The following C9orf153 variants were observed in gnomAD, a reference collection of about 807,000 sequenced individuals.
The protein encoded by C9orf153 is uncharacterized protein C9orf153.
C9orf153 carries 10 observed loss-of-function variants against 9.0 expected under a neutral mutation model. The observed-to-expected ratio is 1.11, with a 90% CI of 0.69 to 1.89. The LOEUF (loss-of-function observed/expected upper bound fraction) is 1.89. Among genes scored for constraint, C9orf153 ranks in the 40% most tolerant of loss-of-function variants. C9orf153 has a pLI of 0.00. For synonymous variants in C9orf153, 35 were observed against 37.3 expected (o/e 0.94, Z 0.23); for missense variants, 108 against 111.0 (o/e 0.97, Z 0.12).
chr9:86,221,747 T>C lies in C9orf153; in HGVS notation c.243-14A>G, dbSNP rs1167404863. 6.6e-7 allele frequency: 1 copy of C among 1,509,198 alleles called. No homozygotes were observed. The highest frequency in any genetic ancestry group is 9.0e-7 in the Non-Finnish European group (1 of 1,109,528). 93.5% of individuals were successfully genotyped at this position (1,509,198 alleles called of 1,614,324 possible). On this transcript the variant is annotated splice_polypyrimidine_tract_variant and intron_variant, in intron 3 of 3. Transcript: ENST00000339137. ...TGAATTGTTTTCCTGAAAAGAATCA[T>C]ATTTTCAAAGAATCACATGGTGTTG...
At chr9:86,257,742 C>A (rs1380167887) in intron 1 of C9orf153, among the ~76,000 whole-genome samples, 1 of 152,130 alleles carries the variant, frequency 6.6e-6, no homozygotes, top group East Asian at 1.9e-4. Flanking sequence ...ATATAACAAC[C>A]AGAACTGAAA....
chr9:86,232,608 C>T (rs1824495993), intron 1 of C9orf153, among the ~76,000 whole-genome samples: 1 of 152,110 alleles, frequency 6.6e-6, no homozygotes, highest in South Asian at 2.1e-4. Context: ...TCCATTTGCA[C>T]TCACCCCCAA....
chr9:86,239,161 C>T (rs922198947), intron 1 of C9orf153, among the ~76,000 whole-genome samples: 3 of 151,222 alleles, frequency 2.0e-5, no homozygotes, highest in East Asian at 1.9e-4. Flanking sequence ...CTCAGGAGGC[C>T]GAGACAAAGG....
intron 1 of C9orf153, among the ~76,000 whole-genome samples, chr9:86,252,236 C>T (rs4877965): frequency 0.56 from 84,653 of 151,782 alleles, 26,195 homozygotes; most frequent in East Asian, 0.89. Context: ...GGTTTCACCA[C>T]GTTGGCCAGC....
chr9:86,249,302 G>A (rs1824939804), intron 1 of C9orf153, among the ~76,000 whole-genome samples: 2 of 152,138 alleles, frequency 1.3e-5, no homozygotes, highest in Non-Finnish European at 2.9e-5. Context: ...TTTAGAGCAG[G>A]AGTCTTCCTT....
At chr9:86,258,066 G>T (rs772777374) in intron 1 of C9orf153, among the ~76,000 whole-genome samples, 2 of 152,132 alleles carry the variant, frequency 1.3e-5, no homozygotes, top group African/African-American at 4.8e-5. Flanking sequence ...TTTGTAGGAC[G>T]GGTGCGGTGG....
intron 3 of C9orf153, among the ~76,000 whole-genome samples, chr9:86,224,650 T>C (rs1236520250): frequency 1.3e-5 from 2 of 151,620 alleles, no homozygotes; most frequent in African/African-American, 4.8e-5. Context: ...ACAATGACAA[T>C]GTGTTCATTA....
chr9:86,239,771 T>A (rs1182285239), intron 1 of C9orf153, among the ~76,000 whole-genome samples: 1 of 152,232 alleles, frequency 6.6e-6, no homozygotes, highest in Non-Finnish European at 1.5e-5. Context: ...TTATCTTAGG[T>A]AAATTATACC....
rs1825022565 is a variant in C9orf153, at chr9:86,252,643, T to C, written c.-27+6907A>G. On this transcript the variant is annotated intron_variant, in intron 1 of 3. Transcript: ENST00000339137. ...TGTTAAAATCATTCAGGAAGCATTA[T>C]CAAATAAGAAATGGTGTTTAACATT... 2.0e-5 allele frequency among the ~76,000 whole-genome samples: 3 copies of C among 152,348 alleles called. No homozygotes were observed. The South Asian group carries it at 6.2e-4, about 32-fold the overall frequency.
At chr9:86,229,190 C>T (rs1824406536) in intron 2 of C9orf153, among the ~76,000 whole-genome samples, 1 of 151,156 alleles carries the variant, frequency 6.6e-6, no homozygotes. Flanking sequence ...GATGTTTGGA[C>T]CGATATCATG....
intron 1 of C9orf153, among the ~76,000 whole-genome samples, chr9:86,240,055 C>T (rs1247725911): frequency 6.6e-6 from 1 of 152,178 alleles, no homozygotes; most frequent in African/African-American, 2.4e-5. Context: ...GCTATGAATA[C>T]TAGCTGATAT....
intron 1 of C9orf153, among the ~76,000 whole-genome samples, chr9:86,241,436 T>G (rs955910218): frequency 6.6e-6 from 1 of 152,160 alleles, no homozygotes; most frequent in Non-Finnish European, 1.5e-5. Flanking sequence ...GGAGGGAGAT[T>G]GTTATCAAAC....
In C9orf153 at chr9:86,227,271, C is replaced by G. The variant is rs1028843577; in HGVS notation, c.242+584G>C. 6 of 1,383,786 alleles carry G rather than the reference C, an allele frequency of 4.3e-6. No individual in the cohort carries two copies. The African/African-American group carries it at 7.4e-5, about 17-fold the overall frequency. The allele number at this position is 1,383,786 out of a possible 1,614,324, so 85.7% of individuals were successfully genotyped here. ...AAGTGATCCTCCCACCTAAACCTCT[C>G]GGGTAGCCGAGATTACAGGCACATG... On this transcript the variant is annotated intron_variant, in intron 3 of 3. Transcript: ENST00000339137.
chr9:86,257,586 C>G (rs2131212870), intron 1 of C9orf153, among the ~76,000 whole-genome samples: 2 of 152,318 alleles, frequency 1.3e-5, no homozygotes, highest in South Asian at 4.1e-4. Flanking sequence ...ACCCTTGAGT[C>G]TGGCTGTCTT....
intron 3 of C9orf153, among the ~76,000 whole-genome samples, chr9:86,226,311 C>T (rs1408074550): frequency 2.6e-5 from 4 of 151,950 alleles, no homozygotes; most frequent in Admixed American, 2.0e-4. Flanking sequence ...CTCCTTCTGC[C>T]TCTCCCATTA....
rs548367748 is a variant in C9orf153, at chr9:86,226,751, TTTTGTTTG to T, written c.242+1096_242+1103del. Among the ~76,000 whole-genome samples, 304 of 146,430 alleles carry T rather than the reference TTTTGTTTG, an allele frequency of 2.1e-3. 1 individual carries two copies. The highest frequency in any genetic ancestry group is 3.8e-3 in the Non-Finnish European group (256 of 67,864). On this transcript the variant is annotated intron_variant, in intron 3 of 3. Transcript: ENST00000339137. ...ATTCAGCATCATAAGTTTCATGGTT[TTTTGTTTG>T]TTTGTTTGTTTGTTTGTTTTTTGAG...
intron 1 of C9orf153, among the ~76,000 whole-genome samples, chr9:86,241,000 C>A (rs2131192778): frequency 6.6e-6 from 1 of 152,204 alleles, no homozygotes; most frequent in Non-Finnish European, 1.5e-5. Context: ...AGCCACTGTG[C>A]CGGCCCTAAT....
At chr9:86,251,391 C>T (rs1405828179) in intron 1 of C9orf153, among the ~76,000 whole-genome samples, 1 of 152,070 alleles carries the variant, frequency 6.6e-6, no homozygotes, top group Non-Finnish European at 1.5e-5. Context: ...TAGTATGTGA[C>T]TAACAGTTAA....
intron 2 of C9orf153, among the ~76,000 whole-genome samples, 164 bp downstream of exon 2, chr9:86,229,362 TGCCCTGGGAAGA>T (rs1335069853): frequency 2.0e-5 from 3 of 152,122 alleles, no homozygotes; most frequent in Non-Finnish European, 4.4e-5. Context: ...TCTGCCCACC[TGCCCTGGGAAGA>T]GCTACACTTC....
Sources: gnomAD v4.1 joint callset for allele counts (sites outside exome capture counted in the v4.1 genomes callset) on GRCh38, gnomAD v4.1.1 for gene constraint, MANE v1.5 for transcripts, NCBI Gene and HGNC (gene_info 2026-07-23, HGNC 2026-07-21) for gene names.